CLIC6: variants seen among roughly 807,000 people sequenced by gnomAD.
The protein encoded by CLIC6 is chloride intracellular channel protein 6.
CLIC6 carries 39 observed loss-of-function variants against 49.2 expected under a neutral mutation model. The observed-to-expected ratio is 0.79, with a 90% CI of 0.61 to 1.04. The LOEUF (loss-of-function observed/expected upper bound fraction) is 1.04. Among genes scored for constraint, CLIC6 ranks in the 50% least tolerant of loss-of-function variants. CLIC6 has a pLI of 0.00. For synonymous variants in CLIC6, 446 were observed against 433.4 expected, an observed-to-expected ratio of 1.03 and a Z score of -0.36; for missense variants, 988 against 993.1, an observed-to-expected ratio of 0.99 and a Z score of 0.07.
intron 1 of CLIC6, among the ~76,000 whole-genome samples, chr21:34,704,909 T>C (rs534163054): frequency 6.6e-6 from 1 of 152,276 alleles, no homozygotes; most frequent in Non-Finnish European, 1.5e-5. Context: ...AAGAGGCCAC[T>C]GCAAGAAGGG....
Position 34,670,185 on chromosome 21 carries a change from CG to C in CLIC6, c.802del (p.Asp268ThrfsTer3). The C allele has an allele frequency of 1.2e-6, 1 of 862,518 alleles. No homozygotes were observed. Among genetic ancestry groups the C allele is most frequent in the Non-Finnish European group, 1.5e-6 (1 of 656,124 alleles). 53.4% of individuals were successfully genotyped at this position (862,518 alleles called of 1,614,324 possible). On this transcript the variant is annotated frameshift_variant, in exon 1 of 6. Transcript: ENST00000349499. LOFTEE classifies it high-confidence loss of function. ...GACGGCGTAGAAGCGGGGGTCCCGGCGGGGGACAGCGTAGAAGCCGAAGGCC... is the reference window on the plus strand; with the variant it reads ...GACGGCGTAGAAGCGGGGGTCCCGGCGGGGACAGCGTAGAAGCCGAAGGCC... The part of the protein sequence containing the change: ...AGDGVEAGVP[A>X]GDSVEAEGPA...
chr21:34,694,170 G>A (rs1016236128), intron 1 of CLIC6, among the ~76,000 whole-genome samples: 9 of 145,182 alleles, frequency 6.2e-5, no homozygotes, highest in Admixed American at 4.1e-4. Context: ...TAGTAGAGGC[G>A]GGGTTTCACT....
At chr21:34,709,616 C>A in intron 5 of CLIC6, 78 bp downstream of exon 5, 2 of 1,311,404 alleles carry the variant, frequency 1.5e-6, no homozygotes, top group Non-Finnish European at 2.1e-6. Context: ...TGTGTTTGGG[C>A]CAGACATTTA....
At chr21:34,711,705 T>C (rs1241734100) in intron 5 of CLIC6, among the ~76,000 whole-genome samples, 1 of 152,190 alleles carries the variant, frequency 6.6e-6, no homozygotes, top group Non-Finnish European at 1.5e-5. Context: ...CTCTCGGTCC[T>C]GGCCCTGTTG....
rs558842821 is a variant in CLIC6 at position 34,669,924 on chromosome 21, G to A, written c.536G>A (p.Ser179Asn). 5.3e-5 allele frequency: 70 copies of A among 1,316,784 alleles called. 2 individuals carry two copies. The South Asian group carries it at 1.1e-3, about 21-fold the overall frequency. 81.6% of individuals were successfully genotyped at this position (1,316,784 alleles called of 1,614,324 possible). ...NIEAEGPAGD[S>N]VEAEGRVGDS... ...GAAGCGGAGGGCCCGGCGGGCGACA[G>A]CGTAGAGGCGGAGGGCCGGGTGGGG... The change falls in exon 1 of 6, where the codon AGC (serine) becomes AAC (asparagine). Residue 179 changes from serine to asparagine, a missense_variant. This residue lies in a region of CLIC6 where 284 missense variants were observed against 278.6 expected (regional missense o/e 1.02). Transcript: ENST00000349499.
intron 1 of CLIC6, among the ~76,000 whole-genome samples, chr21:34,695,937 G>A (rs1454984130): frequency 1.3e-5 from 2 of 152,222 alleles, no homozygotes; most frequent in Non-Finnish European, 2.9e-5. Context: ...GGAAGAAAGG[G>A]TGGAATTGTT....
chr21:34,701,159 G>A (rs1009919822), intron 1 of CLIC6, among the ~76,000 whole-genome samples: 4 of 145,994 alleles, frequency 2.7e-5, no homozygotes, highest in African/African-American at 7.9e-5. Context: ...AAAATTAGCC[G>A]GGCGCGGTGG....
At chr21:34,686,684 G>A (rs1431141162) in intron 1 of CLIC6, among the ~76,000 whole-genome samples, 1 of 152,176 alleles carries the variant, frequency 6.6e-6, no homozygotes, top group East Asian at 1.9e-4. Flanking sequence ...TGCTGGAGGG[G>A]CTACCTGTGG....
Position 34,684,282 on chromosome 21 carries a change from T to A in CLIC6, c.1374+13520T>A, listed in dbSNP as rs901027046. On this transcript the variant is annotated intron_variant, in intron 1 of 5. Coordinates refer to ENST00000349499, the MANE Select transcript of CLIC6 (RefSeq NM_053277.3). Reference sequence around the variant, plus strand: ...AGACAGTGATCCAGAAAGAAACAACTACTATGCAACATGAGGAAGAGGACC... The same window carrying A: ...AGACAGTGATCCAGAAAGAAACAACAACTATGCAACATGAGGAAGAGGACC... Among the ~76,000 whole-genome samples, 4 of 152,170 alleles carry A rather than the reference T, an allele frequency of 2.6e-5. No individual in the cohort carries two copies. In the South Asian group the frequency reaches 8.3e-4, roughly 31 times the overall value.
At chr21:34,694,921 A>C (rs1990064702) in intron 1 of CLIC6, among the ~76,000 whole-genome samples, 1 of 152,254 alleles carries the variant, frequency 6.6e-6, no homozygotes, top group African/African-American at 2.4e-5. Flanking sequence ...CTCCCTCTGC[A>C]AGTTGATGAG....
chr21:34,705,053 G>A (rs748882199), intron 1 of CLIC6, among the ~76,000 whole-genome samples: 6 of 152,068 alleles, frequency 3.9e-5, no homozygotes, highest in Non-Finnish European at 5.9e-5. Context: ...TTAGAGAGAC[G>A]GGAGAAAAAA....
chr21:34,681,358 AT>A (rs1159650261), intron 1 of CLIC6, among the ~76,000 whole-genome samples: 2 of 152,232 alleles, frequency 1.3e-5, no homozygotes, highest in African/African-American at 4.8e-5. Context: ...CATGGTGATT[AT>A]TATAATTCAA....
chr21:34,701,978 A>C (rs925758384), intron 1 of CLIC6, among the ~76,000 whole-genome samples: 1 of 151,380 alleles, frequency 6.6e-6, no homozygotes, highest in Non-Finnish European at 1.5e-5. Flanking sequence ...GTGATCTCTT[A>C]GTAGTGAGAA....
chr21:34,708,141 T>C, intron 3 of CLIC6, 72 bp downstream of exon 3: 1 of 1,566,500 alleles, frequency 6.4e-7, no homozygotes, highest in Non-Finnish European at 8.8e-7. Flanking sequence ...TCTAAAGCTC[T>C]GGGCAGTGTG....
chr21:34,703,460 G>GTGTT (rs113197167), intron 1 of CLIC6, among the ~76,000 whole-genome samples: 1,878 of 152,204 alleles, frequency 0.012, 35 homozygotes, highest in African/African-American at 0.042. Flanking sequence ...GGGATGCCAG[G>GTGTT]TGTTTGGTCC....
intron 1 of CLIC6, among the ~76,000 whole-genome samples, chr21:34,685,656 C>T (rs895318177): frequency 2.0e-5 from 3 of 152,206 alleles, no homozygotes; most frequent in Admixed American, 2.0e-4. Context: ...TGTAACTCTC[C>T]AAACAGAGAA....
chr21:34,687,484 GT>G (rs1040400514), intron 1 of CLIC6, among the ~76,000 whole-genome samples: 4 of 152,194 alleles, frequency 2.6e-5, no homozygotes, highest in South Asian at 2.1e-4. Flanking sequence ...TAGCCCCGGA[GT>G]TTTTAAAGCA....
At chr21:34,710,053 G>A (rs1043315763) in intron 5 of CLIC6, among the ~76,000 whole-genome samples, 1 of 151,722 alleles carries the variant, frequency 6.6e-6, no homozygotes. Flanking sequence ...TGGGAGGATT[G>A]CTTGAGGCCA....
intron 1 of CLIC6, among the ~76,000 whole-genome samples, chr21:34,705,736 A>G (rs1461846238): frequency 6.6e-6 from 1 of 152,166 alleles, no homozygotes; most frequent in Non-Finnish European, 1.5e-5. Context: ...TATCACCTGG[A>G]AAGTGATATC....
Sources: allele counts gnomAD v4.1 joint callset (sites outside exome capture counted in the v4.1 genomes callset), GRCh38; gene constraint gnomAD v4.1.1; regional missense constraint gnomAD v4.1.1; transcripts MANE v1.5; gene names NCBI Gene and HGNC (gene_info 2026-07-23, HGNC 2026-07-21).